MIPOL1: variants seen among roughly 807,000 people sequenced by gnomAD.
MIPOL1 encodes the protein mirror-image polydactyly 1.
Under a neutral mutation model 60.9 loss-of-function variants are expected in MIPOL1, and 57 were observed. The ratio of observed to expected loss-of-function variants is 0.94; its 90% CI spans 0.76 to 1.17. The LOEUF (loss-of-function observed/expected upper bound fraction) is 1.17, where lower values mean the gene tolerates loss of function less well. MIPOL1 is among the 50% of genes most tolerant of loss of function. MIPOL1 has a pLI of 0.00. For synonymous variants in MIPOL1, 179 were observed against 168.8 expected (o/e 1.06, Z -0.47); for missense variants, 551 against 511.6 (o/e 1.08, Z -0.74).
intron 10 of MIPOL1, among the ~76,000 whole-genome samples, chr14:37,387,375 A>G (rs191986561): frequency 1.3e-5 from 2 of 152,090 alleles, no homozygotes; most frequent in Admixed American, 6.6e-5. Flanking sequence ...TGATCAGATG[A>G]AACAACTACT....
intron 11 of MIPOL1, among the ~76,000 whole-genome samples, chr14:37,476,469 T>C (rs770936762): frequency 6.6e-6 from 1 of 152,308 alleles, no homozygotes; most frequent in East Asian, 1.9e-4. Context: ...TCTAGTGCGA[T>C]GTTGAATAGA....
intron 11 of MIPOL1, among the ~76,000 whole-genome samples, chr14:37,470,557 T>C (rs2094671486): frequency 6.6e-6 from 1 of 152,138 alleles, no homozygotes; most frequent in African/African-American, 2.4e-5. Flanking sequence ...TCGTCATGCT[T>C]GTAAGTTTTC....
At chr14:37,336,130 G>T (rs1275826914) in intron 9 of MIPOL1, among the ~76,000 whole-genome samples, 2 of 139,076 alleles carry the variant, frequency 1.4e-5, no homozygotes, top group Non-Finnish European at 1.5e-5. Flanking sequence ...TTTTGCATGT[G>T]GATATTCAGT....
intron 12 of MIPOL1, 46 bp from the exon 13 acceptor site, chr14:37,546,858 AT>A (rs777546407): frequency 1.4e-6 from 2 of 1,461,398 alleles, no homozygotes; most frequent in African/African-American, 2.8e-5. Context: ...CTTAACAATA[AT>A]TGCCCTTTTT....
intron 9 of MIPOL1, among the ~76,000 whole-genome samples, chr14:37,364,495 A>G (rs1408722071): frequency 1.3e-5 from 2 of 152,154 alleles, no homozygotes; most frequent in African/African-American, 4.8e-5. Flanking sequence ...TCTTTTCCCC[A>G]GTGTATGTTC....
intron 11 of MIPOL1, among the ~76,000 whole-genome samples, chr14:37,447,959 A>G (rs1376801683): frequency 6.6e-6 from 1 of 152,196 alleles, no homozygotes; most frequent in Non-Finnish European, 1.5e-5. Context: ...TTGACACAAA[A>G]GAGCAAGATT....
intron 10 of MIPOL1, among the ~76,000 whole-genome samples, chr14:37,405,009 T>C (rs1190739645): frequency 6.6e-6 from 1 of 152,182 alleles, no homozygotes; most frequent in Non-Finnish European, 1.5e-5. Context: ...TTTTTTTTTC[T>C]TACTTTGAAC....
At chr14:37,339,565 C>G (rs1224146940) in intron 9 of MIPOL1, among the ~76,000 whole-genome samples, 1 of 151,906 alleles carries the variant, frequency 6.6e-6, no homozygotes, top group Non-Finnish European at 1.5e-5. Context: ...GTCATTTTAT[C>G]AAAAGGAAAA....
At chr14:37,230,503 G>A (rs1012832643) in intron 1 of MIPOL1, among the ~76,000 whole-genome samples, 3 of 152,100 alleles carry the variant, frequency 2.0e-5, no homozygotes, top group African/African-American at 7.2e-5. Context: ...TCCTTAAAGG[G>A]ACAGCGTGAA....
intron 11 of MIPOL1, among the ~76,000 whole-genome samples, chr14:37,426,959 G>A (rs115571533): frequency 3.9e-5 from 6 of 152,096 alleles, no homozygotes; most frequent in South Asian, 2.1e-4. Flanking sequence ...TTCCTGCATC[G>A]CTGATGGGAA....
chr14:37,524,342 G>A (rs2095432542), intron 12 of MIPOL1, among the ~76,000 whole-genome samples: 1 of 152,030 alleles, frequency 6.6e-6, no homozygotes, highest in South Asian at 2.1e-4. Flanking sequence ...TTGGACAGTA[G>A]ACTTTCTGGA....
intron 9 of MIPOL1, among the ~76,000 whole-genome samples, chr14:37,365,580 C>A (rs2092444197): frequency 1.3e-5 from 2 of 152,076 alleles, no homozygotes; most frequent in African/African-American, 4.8e-5. Flanking sequence ...GATGCATGAT[C>A]TTTTTAACGT....
chr14:37,361,900 T>C (rs2092277590), intron 9 of MIPOL1, among the ~76,000 whole-genome samples: 1 of 152,094 alleles, frequency 6.6e-6, no homozygotes, highest in African/African-American at 2.4e-5. Flanking sequence ...CTTTTGTTGG[T>C]TTAAAGTCTG....
chr14:37,481,611 A>C lies in MIPOL1; in HGVS notation c.1032-18297A>C, dbSNP rs370877864. ...CACACACACACACACACACACACACACCGAAACCACATAGCCAAGGGAATC... is the reference window on the plus strand; with the variant it reads ...CACACACACACACACACACACACACCCCGAAACCACATAGCCAAGGGAATC... On this transcript the variant is annotated intron_variant, in intron 11 of 12. Coordinates refer to ENST00000684589, the MANE Select transcript of MIPOL1 (RefSeq NM_001388067.1). Among the ~76,000 whole-genome samples, 302 of 142,492 alleles carry C rather than the reference A, an allele frequency of 2.1e-3. 1 individual carries two copies. Among genetic ancestry groups the C allele is most frequent in the African/African-American group, 6.9e-3 (259 of 37,674 alleles). 93.5% of individuals were successfully genotyped at this position (142,492 alleles called of 152,430 possible). A position where few individuals can be genotyped will look rare whatever the true frequency, so the allele number is the denominator to read the frequency against.
At chr14:37,383,693 TGAGTATTCTAA>T (rs2092989158) in intron 10 of MIPOL1, among the ~76,000 whole-genome samples, 1 of 151,930 alleles carries the variant, frequency 6.6e-6, no homozygotes, top group Non-Finnish European at 1.5e-5. Context: ...CAAGAAAACT[TGAGTATTCTAA>T]GATATATTAA....
rs144225855 is a variant in MIPOL1 at position 37,384,637 on chromosome 14, C to G, written c.936+15013C>G. ...GTAGGACTAAACCTCTCAAAATAAC[C>G]TCCAAGATTAATTTGGGAACTGATT... On this transcript the variant is annotated intron_variant, in intron 10 of 12. Transcript: ENST00000684589. 3.6e-4 allele frequency among the ~76,000 whole-genome samples: 55 copies of G among 152,030 alleles called. No homozygotes were observed. The East Asian group carries it at 7.0e-3, about 19-fold the overall frequency.
chr14:37,282,747 C>CA (rs59301708), intron 6 of MIPOL1, among the ~76,000 whole-genome samples: 19,692 of 67,972 alleles, frequency 0.29, 3,913 homozygotes, highest in South Asian at 0.36. Flanking sequence ...GACCCTGTCT[C>CA]AAAAAAAAAA....
At chr14:37,393,291 G>A (rs2093292810) in intron 10 of MIPOL1, among the ~76,000 whole-genome samples, 1 of 151,796 alleles carries the variant, frequency 6.6e-6, no homozygotes, top group Non-Finnish European at 1.5e-5. Context: ...GTGGTTCTTT[G>A]TTTCAGTAGC....
At chr14:37,238,820 G>A (rs942756560) in intron 1 of MIPOL1, among the ~76,000 whole-genome samples, 1 of 151,536 alleles carries the variant, frequency 6.6e-6, no homozygotes, top group African/African-American at 2.4e-5. Flanking sequence ...TGGGTGTGAC[G>A]GCTCATACCA....
Sources: allele counts gnomAD v4.1 joint callset (sites outside exome capture counted in the v4.1 genomes callset), GRCh38; gene constraint gnomAD v4.1.1; transcripts MANE v1.5; gene names NCBI Gene and HGNC (gene_info 2026-07-23, HGNC 2026-07-21).